Variants in SF3B2 observed in about 807,000 individuals in gnomAD.
SF3B2 encodes the protein splicing factor 3b subunit 2, also known as SAP 145.
SF3B2 carries 22 observed loss-of-function variants against 116.3 expected under a neutral mutation model. The observed-to-expected ratio is 0.19, with a 90% CI of 0.14 to 0.27. SF3B2 has a LOEUF of 0.27. Ranked by LOEUF, SF3B2 falls within the 10% of genes least tolerant of loss-of-function variation. The pLI is 1.00. For missense variants in SF3B2, 767 were observed against 1,151.4 expected (o/e 0.67, Z 4.83); for synonymous variants, 406 against 421.6 (o/e 0.96, Z 0.45).
In SF3B2 at chr11:66,058,730, C is replaced by A. The variant is rs953227671; in HGVS notation, c.967-100C>A. On this transcript the variant is annotated intron_variant, in intron 9 of 21. Coordinates refer to ENST00000322535, the MANE Select transcript of SF3B2 (RefSeq NM_006842.3). ...GATGGCCTCCTTGGGAAAAGCCTGACTGTTGAACTGTGGGGGAGAATGGGG... is the reference window on the plus strand; with the variant it reads ...GATGGCCTCCTTGGGAAAAGCCTGAATGTTGAACTGTGGGGGAGAATGGGG... 1.6e-5 allele frequency: 17 copies of A among 1,038,102 alleles called. No individual in the cohort carries two copies. In the Admixed American group the frequency reaches 4.1e-4, roughly 25 times the overall value. The allele number at this position is 1,038,102 out of a possible 1,614,324, so 64.3% of individuals were successfully genotyped here. A position where few individuals can be genotyped will look rare whatever the true frequency, so the allele number is the denominator to read the frequency against.
At position 66,068,851 on chromosome 11, in the gene SF3B2, AT is replaced by A; in HGVS notation, c.*110del. On this transcript the variant is annotated 3_prime_UTR_variant, in exon 22 of 22. Transcript: ENST00000322535. ...CAAGGACTTGTCATTTCATGTTCTT[AT>A]TTTAGACCTGTTTTGTAAATAAAGC... The A allele has an allele frequency of 1.2e-6, 1 of 866,264 alleles. No individual in the cohort carries two copies. Among genetic ancestry groups the A allele is most frequent in the Non-Finnish European group, 1.9e-6 (1 of 535,460 alleles). The allele number at this position is 866,264 out of a possible 1,614,324, so 53.7% of individuals were successfully genotyped here.
intron 6 of SF3B2, 124 bp from the exon 7 acceptor site, chr11:66,057,142 C>A: frequency 1.1e-6 from 1 of 877,128 alleles, no homozygotes; most frequent in African/African-American, 1.6e-5. Flanking sequence ...ACCAGCATTC[C>A]AAAAGCCACG....
chr11:66,052,894 T>C (rs1856911228), intron 2 of SF3B2, 133 bp from the exon 3 acceptor site: 1 of 1,222,750 alleles, frequency 8.2e-7, no homozygotes, highest in Admixed American at 1.8e-5. Flanking sequence ...GTATCCATCT[T>C]GGTCCTCTTC....
At chr11:66,061,657 C>T (rs1857101711) in intron 14 of SF3B2, 29 bp from the exon 15 acceptor site, 2 of 1,560,978 alleles carry the variant, frequency 1.3e-6, no homozygotes, top group African/African-American at 1.4e-5. Flanking sequence ...TCTGGGTCTA[C>T]AATGTAGCAT....
At chr11:66,060,187 C>G (rs1279621395) in intron 13 of SF3B2, among the ~76,000 whole-genome samples, 178 bp downstream of exon 13, 1 of 152,200 alleles carries the variant, frequency 6.6e-6, no homozygotes, top group African/African-American at 2.4e-5. Context: ...GCCAGCTCAC[C>G]TGGTGACTCC....
chr11:66,055,669 T>G (rs1856981606), intron 5 of SF3B2, 84 bp downstream of exon 5: 1 of 1,268,664 alleles, frequency 7.9e-7, no homozygotes, highest in Non-Finnish European at 1.1e-6. Flanking sequence ...CCATTCAAGT[T>G]TTCCCTGGAG....
intron 16 of SF3B2, among the ~76,000 whole-genome samples, chr11:66,062,464 G>A (rs1395010593): frequency 1.4e-5 from 2 of 146,570 alleles, no homozygotes; most frequent in African/African-American, 5.0e-5. Flanking sequence ...TAGTGAAACC[G>A]CACCTCTACT....
chr11:66,066,160 C>T (rs570760), intron 19 of SF3B2: 67,205 of 152,072 alleles, frequency 0.44, 15,588 homozygotes, highest in South Asian at 0.67. Context: ...CAGGCATGAG[C>T]CACCACACCT....
intron 17 of SF3B2, 58 bp from the exon 18 acceptor site, chr11:66,063,342 C>A (rs1361603684): frequency 3.3e-6 from 5 of 1,529,572 alleles, no homozygotes; most frequent in Non-Finnish European, 4.4e-6. Flanking sequence ...TTAAAACAGC[C>A]TGGCACATAA....
Position 66,059,712 on chromosome 11 carries a change from T to C in SF3B2, c.1402-70T>C. 6.2e-7 allele frequency: 1 copy of C among 1,600,370 alleles called. No homozygotes were observed. Among genetic ancestry groups the C allele is most frequent in the South Asian group, 1.1e-5 (1 of 90,778 alleles). On this transcript the variant is annotated intron_variant, in intron 12 of 21. Transcript: ENST00000322535. This position sits in a 1 kb window ranked among gnomAD's most constrained non-coding sequence, Gnocchi z 5.0. ...TGTGGGTGATTTGGGTTTGGGTCCTTTGAGGAAGAAGAGCTTCAGAACTGA... is the reference window on the plus strand; with the variant it reads ...TGTGGGTGATTTGGGTTTGGGTCCTCTGAGGAAGAAGAGCTTCAGAACTGA...
intron 7 of SF3B2, among the ~76,000 whole-genome samples, 192 bp from the exon 8 acceptor site, chr11:66,057,862 C>T (rs1469335574): frequency 6.6e-6 from 1 of 151,486 alleles, no homozygotes; most frequent in African/African-American, 2.4e-5. Flanking sequence ...ATCCCAGCTA[C>T]TCGGGAGGCT....
chr11:66,055,115 C>CA lies in SF3B2; in HGVS notation c.298_299insA (p.Pro100HisfsTer38). 3 of 1,547,388 alleles carry CA rather than the reference C, an allele frequency of 1.9e-6. No homozygotes were observed. The highest frequency in any genetic ancestry group is 2.6e-6 in the Non-Finnish European group (3 of 1,143,174). ...CATGCCACCACCACCTTTGGGACTC[C>CA]CCCCTCTGCAGCCTCCTCCGCCACC... On this transcript the variant is annotated frameshift_variant, in exon 4 of 22. Coordinates refer to ENST00000322535, the MANE Select transcript of SF3B2 (RefSeq NM_006842.3). LOFTEE classifies it high-confidence loss of function.
Position 66,067,948 on chromosome 11 carries a change from G to C in SF3B2, c.2333G>C (p.Ser778Thr). Residue 778 changes from serine to threonine, a missense_variant and splice_region_variant, in exon 20 of 22, where the codon AGT (serine) becomes ACT (threonine). Ser to Thr is a moderately conservative substitution (Grantham distance 58, BLOSUM62 1). Transcript: ENST00000322535. ...KKKIEEAMDGSETPQLFTVLP... is the reference protein window; with the variant it reads ...KKKIEEAMDGTETPQLFTVLP... ...CCTGATCCCATTGTCCTTCGCAGAA[G>C]TGAGACACCTCAGCTCTTCACTGTG... 1 of 1,613,600 alleles carries C rather than the reference G, an allele frequency of 6.2e-7. No individual in the cohort carries two copies. The highest frequency in any genetic ancestry group is 8.5e-7 in the Non-Finnish European group (1 of 1,179,852).
chr11:66,057,579 G>A (rs940880919), intron 7 of SF3B2, among the ~76,000 whole-genome samples: 1 of 152,076 alleles, frequency 6.6e-6, no homozygotes, highest in Admixed American at 6.5e-5. Context: ...TCCCTCTGAG[G>A]AACACTAAAC....
chr11:66,060,636 G>A lies in SF3B2; in HGVS notation c.1684G>A (p.Gly562Ser). The A allele has an allele frequency of 6.2e-7, 1 of 1,614,096 alleles. No individual in the cohort carries two copies. The highest frequency in any genetic ancestry group is 8.5e-7 in the Non-Finnish European group (1 of 1,180,010). ...KMREKVRPKM[G>S]KIDIDYQKLH... ...GCGAGAGAAAGTTCGGCCTAAGATG[G>A]GCAAAATTGACATCGACTACCAGAA... Residue 562 changes from glycine (G) to serine (S), a missense_variant, in exon 14 of 22, where the codon GGC becomes AGC. Transcript: ENST00000322535.
intron 19 of SF3B2, chr11:66,067,667 AC>A (rs1857211632): frequency 2.0e-6 from 1 of 494,580 alleles, no homozygotes; most frequent in African/African-American, 1.9e-5. Context: ...AGCCTCTCTG[AC>A]CTTTTGACCC....
rs112460117 is a variant in SF3B2, at chr11:66,055,418, C to A, written c.498+103C>A. The stretch of plus-strand genomic sequence containing the variant: ...CTAGAACTAAGGCTTCTGGGAAGGT[C>A]GGGACTAAAGATTGGAACATGGGCC... On this transcript the variant is annotated intron_variant, in intron 4 of 21. Transcript: ENST00000322535. The A allele has an allele frequency of 7.0e-5, 112 of 1,590,102 alleles. 1 individual carries two copies. The African/African-American group carries it at 1.1e-3, about 16-fold the overall frequency.
intron 3 of SF3B2, 34 bp downstream of exon 3, chr11:66,053,138 C>T (rs765107411): frequency 2.5e-6 from 4 of 1,582,414 alleles, no homozygotes; most frequent in East Asian, 2.2e-5. Flanking sequence ...AAGATTCCAT[C>T]TGCTGATCCT....
intron 13 of SF3B2, 32 bp downstream of exon 13, chr11:66,060,041 C>T (rs767410871): frequency 6.3e-6 from 10 of 1,583,758 alleles, no homozygotes; most frequent in African/African-American, 2.7e-5. Flanking sequence ...GACCTGCCCC[C>T]GGGTGTCCCC....
Sources: gnomAD v4.1 joint callset for allele counts (sites outside exome capture counted in the v4.1 genomes callset) on GRCh38, gnomAD v4.1.1 for gene constraint, Gnocchi (gnomAD v3.1) non-coding constraint, MANE v1.5 for transcripts, NCBI Gene and HGNC (gene_info 2026-07-23, HGNC 2026-07-21) for gene names.